The following COP1 variants were observed in gnomAD, a reference collection of about 807,000 sequenced individuals.
COP1 encodes COP1 E3 ubiquitin ligase.
Under a neutral mutation model 101.3 loss-of-function variants are expected in COP1, and 24 were observed. The ratio of observed to expected loss-of-function variants is 0.24; its 90% CI spans 0.17 to 0.33. The LOEUF is 0.33. Among genes scored for constraint, COP1 ranks in the 10% least tolerant of loss-of-function variants. The pLI, the probability that COP1 is intolerant of heterozygous loss-of-function variation, is 1.00. For missense variants in COP1, 663 were observed against 906.2 expected, an observed-to-expected ratio of 0.73 and a Z score of 3.45; for synonymous variants, 347 against 341.9, an observed-to-expected ratio of 1.01 and a Z score of -0.17.
chr1:176,059,776 C>G (rs932094770), intron 11 of COP1, among the ~76,000 whole-genome samples: 6 of 152,126 alleles, frequency 3.9e-5, no homozygotes, highest in African/African-American at 1.2e-4. Context: ...CCATTGATAT[C>G]TATTAATTTT....
intron 18 of COP1, among the ~76,000 whole-genome samples, chr1:175,985,119 T>C (rs1656797143): frequency 6.6e-6 from 1 of 152,196 alleles, no homozygotes; most frequent in Non-Finnish European, 1.5e-5. Flanking sequence ...AGAAGCAGAA[T>C]GATATTTTCA....
At chr1:176,186,222 G>T (rs1487927111) in intron 1 of COP1, among the ~76,000 whole-genome samples, 1 of 151,736 alleles carries the variant, frequency 6.6e-6, no homozygotes, top group Admixed American at 6.6e-5. Flanking sequence ...TTGAGAAAGG[G>T]GTATTTTAGT....
intron 8 of COP1, among the ~76,000 whole-genome samples, chr1:176,121,014 A>C (rs1170840177): frequency 6.6e-6 from 1 of 152,092 alleles, no homozygotes; most frequent in African/African-American, 2.4e-5. Context: ...CCAAAATGCC[A>C]TGTACTCACA....
At chr1:176,022,762 T>A (rs185982676) in intron 15 of COP1, among the ~76,000 whole-genome samples, 15 of 152,286 alleles carry the variant, frequency 9.8e-5, no homozygotes, top group Admixed American at 8.5e-4. Flanking sequence ...AGCTCATACC[T>A]AACCTCAATG....
intron 8 of COP1, among the ~76,000 whole-genome samples, chr1:176,131,574 T>C (rs1688902750): frequency 6.6e-6 from 1 of 151,710 alleles, no homozygotes; most frequent in African/African-American, 2.4e-5. Context: ...AAAAGAGAGA[T>C]CAAAACTTTT....
At position 176,097,237 on chromosome 1, in the gene COP1, C is replaced by T. The variant is rs146757004; in HGVS notation, c.1027-11347G>A. ...GGACCTTGTTTTGTTGAAAAAAAAA[C>T]GACTGAATTATTTTTCTCCATTTTT... is the stretch of plus-strand genomic sequence containing the variant. On this transcript the variant is annotated intron_variant, in intron 9 of 19. Coordinates refer to ENST00000367669, the MANE Select transcript of COP1 (RefSeq NM_022457.7). Among the ~76,000 whole-genome samples the T allele has an allele frequency of 7.4e-3, 1,125 of 151,418 alleles. 10 individuals carry two copies. Among genetic ancestry groups the T allele is most frequent in the Middle Eastern group, 0.02 (6 of 294 alleles).
chr1:176,164,135 T>C (rs908148682), intron 3 of COP1, among the ~76,000 whole-genome samples: 1 of 152,220 alleles, frequency 6.6e-6, no homozygotes, highest in African/African-American at 2.4e-5. Flanking sequence ...TTCCCTTACA[T>C]GTTTCTCAAT....
Position 176,097,733 on chromosome 1 carries a change from G to A in COP1, c.1027-11843C>T, listed in dbSNP as rs901166226. Among the ~76,000 whole-genome samples, 7 of 152,064 alleles carry A rather than the reference G, an allele frequency of 4.6e-5. No individual in the cohort carries two copies. In the East Asian group the frequency reaches 9.7e-4, roughly 21 times the overall value. Reference sequence around the variant, plus strand: ...AAAATACAAAAACTAGCTAGGTGTGGTGGGACATGCCTGTAATTCCAGCTA... The same window carrying A: ...AAAATACAAAAACTAGCTAGGTGTGATGGGACATGCCTGTAATTCCAGCTA... On this transcript the variant is annotated intron_variant, in intron 9 of 19. Coordinates refer to ENST00000367669, the MANE Select transcript of COP1 (RefSeq NM_022457.7).
At chr1:176,173,009 T>C (rs1572675218) in intron 3 of COP1, among the ~76,000 whole-genome samples, 1 of 152,154 alleles carries the variant, frequency 6.6e-6, no homozygotes, top group South Asian at 2.1e-4. Context: ...AGATAACTTC[T>C]AGCTTAAAAA....
chr1:176,102,506 A>C (rs983868982), intron 9 of COP1, among the ~76,000 whole-genome samples: 2 of 152,136 alleles, frequency 1.3e-5, no homozygotes, highest in African/African-American at 4.8e-5. Context: ...GACCTAAACA[A>C]ACCATCTTGC....
At chr1:175,949,135 C>A (rs1472142177) in intron 18 of COP1, among the ~76,000 whole-genome samples, 1 of 117,578 alleles carries the variant, frequency 8.5e-6, no homozygotes, top group Non-Finnish European at 1.6e-5. Flanking sequence ...TGCACTCCAG[C>A]CTGGCTGGAG....
Position 176,081,942 on chromosome 1 carries a change from A to G in COP1, c.1142-655T>C, listed in dbSNP as rs577687817. ...TCAAATCTCTTGCTGAAATATGAAA[A>G]ACAATAATTCCATCCAGTGGTACAG... On this transcript the variant is annotated intron_variant, in intron 10 of 19. Transcript: ENST00000367669. Among the ~76,000 whole-genome samples, 18 of 152,314 alleles carry G rather than the reference A, an allele frequency of 1.2e-4. No individual in the cohort carries two copies. In the South Asian group the frequency reaches 3.7e-3, roughly 32 times the overall value.
chr1:175,997,797 G>T (rs925280947), intron 15 of COP1, among the ~76,000 whole-genome samples: 4 of 152,080 alleles, frequency 2.6e-5, no homozygotes, highest in Non-Finnish European at 4.4e-5. Context: ...TTACACTGTT[G>T]GTGGGACTGT....
At chr1:176,171,080 A>ACAC (rs965261156) in intron 3 of COP1, among the ~76,000 whole-genome samples, 7 of 144,564 alleles carry the variant, frequency 4.8e-5, no homozygotes, top group Non-Finnish European at 9.0e-5. Context: ...AGCCGAGATC[A>ACAC]CACCACTGCA....
chr1:175,993,752 C>T (rs1367752780), intron 15 of COP1, among the ~76,000 whole-genome samples: 2 of 152,106 alleles, frequency 1.3e-5, no homozygotes, highest in Admixed American at 1.3e-4. Flanking sequence ...TGTGAAAAGA[C>T]CAAATCTACG....
In COP1 at chr1:176,095,420, C is replaced by T. The variant is rs188786993; in HGVS notation, c.1027-9530G>A. Among the ~76,000 whole-genome samples, 257 of 152,280 alleles carry T rather than the reference C, an allele frequency of 1.7e-3. 1 individual carries two copies. Among genetic ancestry groups the T allele is most frequent in the African/African-American group, 5.9e-3 (246 of 41,564 alleles). On this transcript the variant is annotated intron_variant, in intron 9 of 19. Transcript: ENST00000367669. ...ATTTGCAGCCTGGTGTGGTGGCTCA[C>T]GCCTGTAATCCCAGCTCTTTGGGAG...
intron 15 of COP1, among the ~76,000 whole-genome samples, chr1:176,012,644 T>C (rs1664888618): frequency 6.6e-6 from 1 of 152,232 alleles, no homozygotes; most frequent in Non-Finnish European, 1.5e-5. Context: ...GCACCATTCA[T>C]GGTAAGTGCT....
At chr1:176,139,393 G>A (rs574128950) in intron 6 of COP1, among the ~76,000 whole-genome samples, 25 of 152,124 alleles carry the variant, frequency 1.6e-4, no homozygotes, top group Admixed American at 7.2e-4. Context: ...TGTGGAGACC[G>A]GAGTTGGGAG....
In COP1 at chr1:175,960,139, G is replaced by A. The variant is rs145895330; in HGVS notation, c.2134-12900C>T. 6.6e-5 allele frequency among the ~76,000 whole-genome samples: 10 copies of A among 152,230 alleles called. No homozygotes were observed. The East Asian group carries it at 1.9e-3, about 29-fold the overall frequency. On this transcript the variant is annotated intron_variant, in intron 18 of 19. Coordinates refer to ENST00000367669, the MANE Select transcript of COP1 (RefSeq NM_022457.7). ...AAATGCCAGTAACTGGTTTTCAGGAGGAAATGGACCAGAATTTATATACGA... is the reference window on the plus strand; with the variant it reads ...AAATGCCAGTAACTGGTTTTCAGGAAGAAATGGACCAGAATTTATATACGA...
Sources: gnomAD v4.1 joint callset for allele counts (sites outside exome capture counted in the v4.1 genomes callset) on GRCh38, gnomAD v4.1.1 for gene constraint, MANE v1.5 for transcripts, NCBI Gene and HGNC (gene_info 2026-07-23, HGNC 2026-07-21) for gene names.